Variants in GRID1 observed in about 807,000 individuals in gnomAD.
GRID1 encodes glutamate ionotropic receptor delta type subunit 1.
In GRID1, 28 loss-of-function variants were observed where a neutral mutation model predicts 98.0. The observed-to-expected ratio is 0.29, with a 90% CI of 0.21 to 0.39. GRID1 has a LOEUF of 0.39. Among genes scored for constraint, GRID1 ranks in the 10% least tolerant of loss-of-function variants. The pLI is 1.00. For synonymous variants in GRID1, 553 were observed against 538.5 expected (o/e 1.03, Z -0.37); for missense variants, 1,111 against 1,340.5 (o/e 0.83, Z 2.67).
chr10:85,697,195 C>T (rs1260318238), intron 12 of GRID1, among the ~76,000 whole-genome samples: 12 of 151,986 alleles, frequency 7.9e-5, no homozygotes, highest in Admixed American at 5.2e-4. Flanking sequence ...TGTTTACTTG[C>T]TGTATGAGTT....
chr10:86,138,689 C>A, intron 4 of GRID1, 130 bp downstream of exon 4: 3 of 674,772 alleles, frequency 4.4e-6, no homozygotes, highest in Non-Finnish European at 7.7e-6. Context: ...GTGCTGTGGG[C>A]CGAGCACCTA....
intron 4 of GRID1, among the ~76,000 whole-genome samples, chr10:86,086,412 T>C (rs529520220): frequency 6.6e-6 from 1 of 152,330 alleles, no homozygotes; most frequent in South Asian, 2.1e-4. Flanking sequence ...ATTGTTTTAT[T>C]GGATCTATCA....
chr10:86,062,126 G>A (rs1043701136), intron 4 of GRID1, among the ~76,000 whole-genome samples: 1 of 152,126 alleles, frequency 6.6e-6, no homozygotes, highest in Admixed American at 6.5e-5. Flanking sequence ...CAACATTCTG[G>A]TTAAATGAGG....
In GRID1 at chr10:85,753,093, T is replaced by C. The variant is rs961326565; in HGVS notation, c.1234-23479A>G. Reference sequence around the variant, plus strand: ...AAACTCTTCCTAGTCTTCAATGAGATAAGCAGAGAAATCAAAAGTGTTTAT... The same window carrying C: ...AAACTCTTCCTAGTCTTCAATGAGACAAGCAGAGAAATCAAAAGTGTTTAT... On this transcript the variant is annotated intron_variant, in intron 8 of 15. Transcript: ENST00000327946. Among the ~76,000 whole-genome samples the C allele has an allele frequency of 1.3e-4, 20 of 152,348 alleles. No homozygotes were observed. In the East Asian group the frequency reaches 2.9e-3, roughly 22 times the overall value.
intron 4 of GRID1, among the ~76,000 whole-genome samples, chr10:86,041,978 C>T (rs1843352187): frequency 1.3e-5 from 2 of 152,140 alleles, no homozygotes; most frequent in African/African-American, 2.4e-5. Flanking sequence ...CCAGCTTTAA[C>T]CTGGGGATTT....
At chr10:85,880,185 C>A (rs1421094910) in intron 5 of GRID1, among the ~76,000 whole-genome samples, 1 of 152,178 alleles carries the variant, frequency 6.6e-6, no homozygotes, top group Non-Finnish European at 1.5e-5. Flanking sequence ...CCGAATTCCA[C>A]CACAGGTACA....
At chr10:86,166,826 G>A (rs959808233) in intron 3 of GRID1, among the ~76,000 whole-genome samples, 5 of 152,178 alleles carry the variant, frequency 3.3e-5, no homozygotes, top group African/African-American at 1.2e-4. Flanking sequence ...TTTGCGGCAG[G>A]CTTTGTTGCT....
chr10:86,145,878 G>A (rs957264188), intron 3 of GRID1, among the ~76,000 whole-genome samples: 1 of 152,116 alleles, frequency 6.6e-6, no homozygotes, highest in Admixed American at 6.6e-5. Context: ...GAAGCCCGGC[G>A]TGACTTCAGC....
intron 8 of GRID1, among the ~76,000 whole-genome samples, chr10:85,802,752 G>A (rs535495541): frequency 6.6e-6 from 1 of 151,214 alleles, no homozygotes; most frequent in South Asian, 2.1e-4. Context: ...ACAAGAGGCA[G>A]GGCAGAACTG....
At chr10:86,054,326 C>G (rs148039987) in intron 4 of GRID1, among the ~76,000 whole-genome samples, 9 of 152,240 alleles carry the variant, frequency 5.9e-5, no homozygotes, top group African/African-American at 2.2e-4. Flanking sequence ...AAGAGAAATT[C>G]CTGGAAGGGA....
intron 4 of GRID1, among the ~76,000 whole-genome samples, chr10:85,953,655 C>A (rs1842152883): frequency 6.6e-6 from 1 of 152,218 alleles, no homozygotes; most frequent in South Asian, 2.1e-4. Flanking sequence ...CAATTGCAAA[C>A]CCCTCTCTGC....
At chr10:85,848,585 C>T (rs1054592293) in intron 8 of GRID1, among the ~76,000 whole-genome samples, 1 of 152,040 alleles carries the variant, frequency 6.6e-6, no homozygotes, top group Non-Finnish European at 1.5e-5. Flanking sequence ...ATCATGATCT[C>T]TATGTATGAA....
chr10:85,765,238 T>C (rs771488662), intron 8 of GRID1, among the ~76,000 whole-genome samples: 2 of 152,140 alleles, frequency 1.3e-5, no homozygotes, highest in Non-Finnish European at 2.9e-5. Flanking sequence ...CTGAATTCCA[T>C]GTGTAAGTGA....
At chr10:86,058,483 A>T (rs1047231425) in intron 4 of GRID1, among the ~76,000 whole-genome samples, 1 of 152,236 alleles carries the variant, frequency 6.6e-6, no homozygotes, top group Non-Finnish European at 1.5e-5. Context: ...AAACTGGCTG[A>T]TTAAACTAAA....
chr10:85,691,449 C>G (rs1188730924), intron 12 of GRID1, among the ~76,000 whole-genome samples: 1 of 152,168 alleles, frequency 6.6e-6, no homozygotes, highest in Non-Finnish European at 1.5e-5. Flanking sequence ...TTCCCCAGAT[C>G]CTCGTAGTGA....
At chr10:86,162,298 G>A (rs555138029) in intron 3 of GRID1, among the ~76,000 whole-genome samples, 2 of 152,066 alleles carry the variant, frequency 1.3e-5, no homozygotes, top group African/African-American at 4.8e-5. Flanking sequence ...ACAGGAAAAG[G>A]GCAAAATCAT....
intron 4 of GRID1, among the ~76,000 whole-genome samples, chr10:85,990,173 T>C (rs951652310): frequency 1.3e-5 from 2 of 152,212 alleles, no homozygotes; most frequent in Non-Finnish European, 2.9e-5. Context: ...AAACATGACC[T>C]GTTGATCACA....
intron 5 of GRID1, among the ~76,000 whole-genome samples, chr10:85,883,219 G>A (rs1369186524): frequency 2.0e-5 from 3 of 152,028 alleles, no homozygotes; most frequent in African/African-American, 7.2e-5. Context: ...CAACCTCTAA[G>A]ATTTTTAACT....
intron 5 of GRID1, among the ~76,000 whole-genome samples, chr10:85,915,415 A>G (rs953085638): frequency 6.6e-6 from 1 of 151,888 alleles, no homozygotes; most frequent in Admixed American, 6.6e-5. Flanking sequence ...ACCCCTGTAC[A>G]TACACTCAAC....
Sources: allele counts gnomAD v4.1 joint callset (sites outside exome capture counted in the v4.1 genomes callset), GRCh38; gene constraint gnomAD v4.1.1; transcripts MANE v1.5; gene names NCBI Gene and HGNC (gene_info 2026-07-23, HGNC 2026-07-21).